MGAT4C: variants seen among roughly 807,000 people sequenced by gnomAD.
MGAT4C encodes the protein alpha-1,3-mannosyl-glycoprotein 4-beta-N-acetylglucosaminyltransferase C.
Under a neutral mutation model 40.1 loss-of-function variants are expected in MGAT4C, and 19 were observed. The observed-to-expected ratio is 0.47, with a 90% CI of 0.33 to 0.70. The LOEUF (loss-of-function observed/expected upper bound fraction) is 0.70. Among genes scored for constraint, MGAT4C ranks in the 30% least tolerant of loss-of-function variants. The pLI, the probability that MGAT4C is intolerant of heterozygous loss-of-function variation, is 0.02. For synonymous variants in MGAT4C, 181 were observed against 187.1 expected (o/e 0.97, Z 0.27); for missense variants, 491 against 563.2 (o/e 0.87, Z 1.30).
intron 1 of MGAT4C, among the ~76,000 whole-genome samples, chr12:86,051,049 A>AT (rs60462331): frequency 0.56 from 85,462 of 151,738 alleles, 24,807 homozygotes; most frequent in East Asian, 0.92. Context: ...AGCATTGTGT[A>AT]TTTGGTCACA....
intron 2 of MGAT4C, among the ~76,000 whole-genome samples, chr12:86,042,427 G>A (rs73380008): frequency 0.084 from 12,768 of 152,056 alleles, 1,188 homozygotes; most frequent in African/African-American, 0.23. Flanking sequence ...AGTTAAATGC[G>A]TTTTTGTTGT....
Position 86,226,845 on chromosome 12 carries a change from T to C in MGAT4C, c.-57+29394A>G, listed in dbSNP as rs931244128. 7.2e-5 allele frequency among the ~76,000 whole-genome samples: 11 copies of C among 152,080 alleles called. No individual in the cohort carries two copies. In the South Asian group the frequency reaches 1.4e-3, roughly 20 times the overall value. ...ATGTCCATATCAGAATATAGTATTA[T>C]ATAATGTTTCTCGAAAAAGAACTTC... On this transcript the variant is annotated intron_variant, in intron 1 of 4. Coordinates refer to ENST00000611864, the MANE Select transcript of MGAT4C (RefSeq NM_001351288.2).
intron 2 of MGAT4C, among the ~76,000 whole-genome samples, chr12:86,593,083 T>A (rs1046074628): frequency 6.6e-6 from 1 of 152,038 alleles, no homozygotes; most frequent in Non-Finnish European, 1.5e-5. Context: ...CTTTTTTTTT[T>A]CTTTCTAGAT....
At chr12:86,315,877 C>A (rs1415524131) in intron 4 of MGAT4C, among the ~76,000 whole-genome samples, 1 of 151,464 alleles carries the variant, frequency 6.6e-6, no homozygotes, top group Non-Finnish European at 1.5e-5. Context: ...AGAGACTCTG[C>A]ACAGCAAAAG....
intron 2 of MGAT4C, among the ~76,000 whole-genome samples, chr12:86,642,584 T>G (rs1179084834): frequency 6.6e-6 from 1 of 151,772 alleles, no homozygotes; most frequent in Non-Finnish European, 1.5e-5. Flanking sequence ...ATTAATGGTG[T>G]CCTGGCAGGA....
intron 3 of MGAT4C, among the ~76,000 whole-genome samples, chr12:86,394,421 T>C (rs917250242): frequency 2.0e-5 from 3 of 149,908 alleles, no homozygotes; most frequent in Non-Finnish European, 3.0e-5. Context: ...CCACTGAATA[T>C]TATCATTGCT....
Position 86,583,648 on chromosome 12 carries a change from G to A in MGAT4C, c.-229+143561C>T, listed in dbSNP as rs1321763595. Among the ~76,000 whole-genome samples, 3 of 150,948 alleles carry A rather than the reference G, an allele frequency of 2.0e-5. No homozygotes were observed. In the East Asian group the frequency reaches 5.8e-4, roughly 29 times the overall value. ...TTTTGAAAATATAAATAAACTATAT[G>A]TATCACTGCCATTACAGCTTATTTA... On this transcript the variant is annotated intron_variant, in intron 2 of 7. Transcript: ENST00000548651.
intron 2 of MGAT4C, among the ~76,000 whole-genome samples, chr12:86,468,398 T>C (rs10776977): frequency 0.66 from 99,710 of 151,872 alleles, 33,458 homozygotes; most frequent in South Asian, 0.79. Context: ...TCTTCATTGC[T>C]AGCACAGTGC....
chr12:86,767,774 T>C (rs1951542258), intron 1 of MGAT4C, among the ~76,000 whole-genome samples: 1 of 152,178 alleles, frequency 6.6e-6, no homozygotes, highest in East Asian at 1.9e-4. Context: ...ACCACATGAT[T>C]ATCTCAATAG....
chr12:86,594,128 C>A (rs1027783363), intron 2 of MGAT4C, among the ~76,000 whole-genome samples: 1 of 152,086 alleles, frequency 6.6e-6, no homozygotes, highest in African/African-American at 2.4e-5. Context: ...AGAAGAACAA[C>A]GGTGCTTCCA....
At chr12:86,643,036 TG>T (rs977046819) in intron 2 of MGAT4C, among the ~76,000 whole-genome samples, 3 of 151,748 alleles carry the variant, frequency 2.0e-5, no homozygotes, top group African/African-American at 7.3e-5. Context: ...TTTCTGAGTC[TG>T]TTCTGTGCTG....
chr12:86,274,719 T>G (rs1953026829), intron 4 of MGAT4C, among the ~76,000 whole-genome samples: 1 of 152,198 alleles, frequency 6.6e-6, no homozygotes, highest in African/African-American at 2.4e-5. Flanking sequence ...CTGTCCACAT[T>G]ATATACCCAG....
chr12:86,078,918 A>G (rs1002526716), intron 1 of MGAT4C, among the ~76,000 whole-genome samples: 7 of 152,216 alleles, frequency 4.6e-5, no homozygotes, highest in African/African-American at 1.7e-4. Flanking sequence ...TTCTTAGTTT[A>G]TTACTACTTT....
At chr12:86,446,336 G>A (rs1957334052) in intron 2 of MGAT4C, among the ~76,000 whole-genome samples, 1 of 151,598 alleles carries the variant, frequency 6.6e-6, no homozygotes, top group Non-Finnish European at 1.5e-5. Flanking sequence ...TGCTCCAATT[G>A]GCATTGGTAA....
At chr12:86,299,412 T>C (rs1370847670) in intron 4 of MGAT4C, among the ~76,000 whole-genome samples, 1 of 152,212 alleles carries the variant, frequency 6.6e-6, no homozygotes. Context: ...CCACTGTGCC[T>C]GGCCTCTTTT....
In MGAT4C at chr12:85,970,726, A is replaced by C. The variant is rs1166877266; in HGVS notation, c.*8563T>G. The C allele has an allele frequency of 6.6e-6, 1 of 151,372 alleles. No homozygotes were observed. Among genetic ancestry groups the C allele is most frequent in the African/African-American group, 2.4e-5 (1 of 41,396 alleles). 9.4% of individuals were successfully genotyped at this position (151,372 alleles called of 1,614,324 possible). A position where few individuals can be genotyped will look rare whatever the true frequency, so the allele number is the denominator to read the frequency against. ...ATATTATTTTGCTTTGAAGTCAAAT[A>C]GAGGAACCTTAAATAATTTAAATAA... On this transcript the variant is annotated 3_prime_UTR_variant, in exon 5 of 5. Transcript: ENST00000611864.
intron 1 of MGAT4C, among the ~76,000 whole-genome samples, chr12:86,076,177 C>G (rs1267322720): frequency 6.6e-6 from 1 of 152,154 alleles, no homozygotes. Flanking sequence ...CAAAGTTCCA[C>G]AAGTCTCTAG....
intron 2 of MGAT4C, among the ~76,000 whole-genome samples, chr12:86,585,110 T>C (rs1444687305): frequency 4.6e-5 from 7 of 151,434 alleles, no homozygotes; most frequent in African/African-American, 1.7e-4. Flanking sequence ...AAAATTTTAA[T>C]TTAATGTAAT....
rs545441074 is a variant in MGAT4C at position 86,075,064 on chromosome 12, A to G, written c.-56-25341T>C. Among the ~76,000 whole-genome samples, 6 of 152,260 alleles carry G rather than the reference A, an allele frequency of 3.9e-5. No homozygotes were observed. The East Asian group carries it at 1.2e-3, about 29-fold the overall frequency. On this transcript the variant is annotated intron_variant, in intron 1 of 4. Coordinates refer to ENST00000611864, the MANE Select transcript of MGAT4C (RefSeq NM_001351288.2). The stretch of plus-strand genomic sequence containing the variant: ...TCCCCCAATCTTAACTCATTTCAGC[A>G]TTAACCCAAAAGTCCACAGTCCAAA...
Sources: allele counts gnomAD v4.1 joint callset (sites outside exome capture counted in the v4.1 genomes callset), GRCh38; gene constraint gnomAD v4.1.1; transcripts MANE v1.5; gene names NCBI Gene and HGNC (gene_info 2026-07-23, HGNC 2026-07-21).